Variants in TRIP12 observed in about 807,000 individuals in gnomAD.
The protein encoded by TRIP12 is thyroid hormone receptor interactor 12, also known as E3 ubiquitin-protein ligase TRIP12.
TRIP12 carries 25 observed loss-of-function variants against 244.2 expected under a neutral mutation model. That is an observed-to-expected ratio of 0.10 (90% CI 0.07 to 0.14). TRIP12 has a LOEUF of 0.14. TRIP12 is among the 10% of genes least tolerant of loss of function. The pLI is 1.00. For synonymous variants in TRIP12, 905 were observed against 873.1 expected, an observed-to-expected ratio of 1.04 and a Z score of -0.64; for missense variants, 1,677 against 2,486.4, an observed-to-expected ratio of 0.67 and a Z score of 6.92.
In TRIP12 at chr2:229,833,651, G is replaced by A. The variant is rs151252483; in HGVS notation, c.1271-2812C>T. 6.2e-3 allele frequency among the ~76,000 whole-genome samples: 938 copies of A among 152,196 alleles called. 10 individuals carry two copies. Among genetic ancestry groups the A allele is most frequent in the African/African-American group, 0.021 (863 of 41,522 alleles). Reference sequence around the variant, plus strand: ...ATTGGAAACTAATTGTGAAGAAAAGGATTCTTTTGCCATACCTCTGATAGC... The same window carrying A: ...ATTGGAAACTAATTGTGAAGAAAAGAATTCTTTTGCCATACCTCTGATAGC... On this transcript the variant is annotated intron_variant, in intron 6 of 41. Transcript: ENST00000675903.
intron 1 of TRIP12, among the ~76,000 whole-genome samples, chr2:229,895,199 G>C (rs896628022): frequency 6.6e-6 from 1 of 152,104 alleles, no homozygotes; most frequent in African/African-American, 2.4e-5. Flanking sequence ...CAACCAAACA[G>C]AATTTCTAAC....
At chr2:229,891,451 G>A (rs535120737) in intron 1 of TRIP12, among the ~76,000 whole-genome samples, 38 of 151,334 alleles carry the variant, frequency 2.5e-4, no homozygotes, top group African/African-American at 8.2e-4. Flanking sequence ...TAAAATAGCC[G>A]GGTGTGGTGA....
chr2:229,787,203 T>A (rs1219374344), intron 33 of TRIP12, among the ~76,000 whole-genome samples: 1 of 152,138 alleles, frequency 6.6e-6, no homozygotes, highest in Non-Finnish European at 1.5e-5. Flanking sequence ...TAATTTAGAA[T>A]GAAAAAAGTT....
Position 229,905,077 on chromosome 2 carries a change from C to A in TRIP12, c.-50+16803G>T, listed in dbSNP as rs575066676. Among the ~76,000 whole-genome samples the A allele has an allele frequency of 3.2e-4, 49 of 152,278 alleles. No individual in the cohort carries two copies. The South Asian group carries it at 9.5e-3, about 30-fold the overall frequency. On this transcript the variant is annotated intron_variant, in intron 1 of 41. Coordinates refer to ENST00000675903, the MANE Select transcript of TRIP12 (RefSeq NM_001348323.3). ...ATCACCTGAGGTGGGGAGTTCGAGA[C>A]CTGCCTGACCAACATGGAGAAACCC...
rs754194444 is a variant in TRIP12, at chr2:229,777,264, A to G, written c.5529+51T>C. On this transcript the variant is annotated intron_variant, in intron 37 of 41. Coordinates refer to ENST00000675903, the MANE Select transcript of TRIP12 (RefSeq NM_001348323.3). ...ATACAAACTATTTAACAAAAGCCTC[A>G]TTTTTCTAAAATAAAGACTTGATCT... 106 of 1,565,348 alleles carry G rather than the reference A, an allele frequency of 6.8e-5. 1 individual carries two copies. The East Asian group carries it at 2.3e-3, about 35-fold the overall frequency.
rs35282953 is a variant in TRIP12 at position 229,773,080 on chromosome 2, C to CTT, written c.5694+1015_5694+1016dup. On this transcript the variant is annotated intron_variant, in intron 38 of 41. Transcript: ENST00000675903. ...AGCATCACAAATTAATATATACATGCTTTTTTTTTTTTTGAAATGAAGTCT... is the reference window on the plus strand; with the variant it reads ...AGCATCACAAATTAATATATACATGCTTTTTTTTTTTTTTTGAAATGAAGTCT... Among the ~76,000 whole-genome samples, 6 of 145,804 alleles carry CTT rather than the reference C, an allele frequency of 4.1e-5. No individual in the cohort carries two copies. In the South Asian group the frequency reaches 8.7e-4, roughly 21 times the overall value.
chr2:229,821,167 G>T (rs893962364), intron 8 of TRIP12, among the ~76,000 whole-genome samples: 2 of 152,128 alleles, frequency 1.3e-5, no homozygotes, highest in African/African-American at 4.8e-5. Context: ...AGGAGTATGT[G>T]GCAGTGAAAA....
At chr2:229,855,332 T>C (rs2059409888) in intron 4 of TRIP12, among the ~76,000 whole-genome samples, 1 of 152,110 alleles carries the variant, frequency 6.6e-6, no homozygotes, top group Admixed American at 6.5e-5. Context: ...ACAAATAAGA[T>C]GACTCATGTA....
At chr2:229,895,239 G>A (rs2068485231) in intron 1 of TRIP12, among the ~76,000 whole-genome samples, 1 of 152,138 alleles carries the variant, frequency 6.6e-6, no homozygotes, top group Non-Finnish European at 1.5e-5. Flanking sequence ...AGCTCAGACA[G>A]GTCTGGCTGC....
At chr2:229,864,329 T>C (rs1047877319) in intron 2 of TRIP12, among the ~76,000 whole-genome samples, 2 of 152,220 alleles carry the variant, frequency 1.3e-5, no homozygotes, top group African/African-American at 4.8e-5. Context: ...TTGAGACTTA[T>C]TTTTGTATTT....
intron 1 of TRIP12, among the ~76,000 whole-genome samples, chr2:229,920,610 C>T (rs1024813244): frequency 1.3e-5 from 2 of 152,156 alleles, no homozygotes; most frequent in African/African-American, 4.8e-5. Flanking sequence ...CAAAAAAACA[C>T]AACATTTGTC....
chr2:229,886,371 G>C (rs2066013356), intron 1 of TRIP12, among the ~76,000 whole-genome samples: 1 of 152,156 alleles, frequency 6.6e-6, no homozygotes, highest in Non-Finnish European at 1.5e-5. Flanking sequence ...AAGAGAAAGG[G>C]CTACGTTAGG....
At chr2:229,919,331 G>A (rs1473909966) in intron 1 of TRIP12, among the ~76,000 whole-genome samples, 27 of 151,876 alleles carry the variant, frequency 1.8e-4, no homozygotes, top group Admixed American at 1.8e-3. Flanking sequence ...CAGGAGAATC[G>A]CTTGAACCAG....
At chr2:229,818,043 A>G (rs1691864641) in intron 9 of TRIP12, among the ~76,000 whole-genome samples, 1 of 152,118 alleles carries the variant, frequency 6.6e-6, no homozygotes, top group Non-Finnish European at 1.5e-5. Flanking sequence ...TCCGTGGATC[A>G]CCAGGCTAAA....
In TRIP12 at chr2:229,810,920, A is replaced by G. The variant is rs1467052916; in HGVS notation, c.2181T>C (p.Cys727=). The part of the protein sequence containing the change: ...IMVVRMFSLM[C]SNCPTLAVQL... ...GAACAGCTAAAGTTGGACAGTTGGAACACATCAGAGAAAACATGCGAACCA... is the reference window on the plus strand; with the variant it reads ...GAACAGCTAAAGTTGGACAGTTGGAGCACATCAGAGAAAACATGCGAACCA... The change falls in exon 15 of 42, where the codon TGT becomes TGC. Residue 727 remains cysteine, a synonymous_variant. Transcript: ENST00000675903. 1.4e-5 allele frequency: 23 copies of G among 1,614,004 alleles called. No individual in the cohort carries two copies. In the East Asian group the frequency reaches 2.2e-4, roughly 16 times the overall value.
chr2:229,827,404 G>T (rs574230886), intron 8 of TRIP12, among the ~76,000 whole-genome samples: 1 of 152,138 alleles, frequency 6.6e-6, no homozygotes, highest in South Asian at 2.1e-4. Flanking sequence ...ATGAACAGCT[G>T]TACAAAAACA....
intron 8 of TRIP12, among the ~76,000 whole-genome samples, chr2:229,826,012 A>G (rs144010379): frequency 1.6e-4 from 24 of 152,290 alleles, no homozygotes; most frequent in South Asian, 6.2e-4. Flanking sequence ...CAAAAATATA[A>G]CAATGGCACC....
intron 2 of TRIP12, among the ~76,000 whole-genome samples, chr2:229,863,695 G>C (rs2060854244): frequency 6.6e-6 from 1 of 152,128 alleles, no homozygotes; most frequent in African/African-American, 2.4e-5. Flanking sequence ...GCTCAAAAAT[G>C]CTGCAAAGTA....
chr2:229,871,388 G>T (rs929293795), intron 2 of TRIP12, among the ~76,000 whole-genome samples: 1 of 152,206 alleles, frequency 6.6e-6, no homozygotes, highest in African/African-American at 2.4e-5. Context: ...GGGGCCTGGT[G>T]GGAGGTGTTT....
Sources: allele counts gnomAD v4.1 joint callset (sites outside exome capture counted in the v4.1 genomes callset), GRCh38; gene constraint gnomAD v4.1.1; transcripts MANE v1.5; gene names NCBI Gene and HGNC (gene_info 2026-07-23, HGNC 2026-07-21).